The following NPHS1 variants were observed in gnomAD, a reference collection of about 807,000 sequenced individuals.
NPHS1 encodes the protein nephrin.
NPHS1 carries 107 observed loss-of-function variants against 139.7 expected under a neutral mutation model. The observed-to-expected ratio is 0.77, with a 90% confidence interval of 0.66 to 0.90. The LOEUF is 0.90. Ranked by LOEUF, NPHS1 falls within the 40% of genes least tolerant of loss-of-function variation. NPHS1 has a pLI of 0.00. For synonymous variants in NPHS1, 707 were observed against 706.6 expected, an observed-to-expected ratio of 1.00 and a Z score of -0.01; for missense variants, 1,580 against 1,654.2, an observed-to-expected ratio of 0.96 and a Z score of 0.78.
rs148448133 is a variant in NPHS1 at position 35,829,346 on chromosome 19, C to T, written c.3594+1498G>A. Among the ~76,000 whole-genome samples the T allele has an allele frequency of 4.7e-3, 709 of 152,264 alleles. 6 individuals are homozygous for T. Among genetic ancestry groups the T allele is most frequent in the South Asian group, 9.1e-3 (44 of 4,826 alleles). ...CTCTTTCTTTGAAGATTTCTAATCT[C>T]GTAGGATACAAATCTAGATTTTCTG... On this transcript the variant is annotated intron_variant, in intron 28 of 28. Coordinates refer to ENST00000378910, the MANE Select transcript of NPHS1 (RefSeq NM_004646.4).
At chr19:35,842,928 T>C (rs1194932998) in intron 17 of NPHS1, among the ~76,000 whole-genome samples, 1 of 152,140 alleles carries the variant, frequency 6.6e-6, no homozygotes, top group Admixed American at 6.6e-5. Flanking sequence ...CCTGTAGCTC[T>C]CCACCCATTC....
In NPHS1 at chr19:35,841,784, C is replaced by T. The variant is rs138173172; in HGVS notation, c.2746G>A (p.Ala916Thr). 6.6e-5 allele frequency: 106 copies of T among 1,614,002 alleles called. No individual in the cohort carries two copies. Among genetic ancestry groups the T allele is most frequent in the Admixed American group, 2.7e-4 (16 of 59,988 alleles). ...IANVSAAQDY[A>T]LFTCTATNAL... ...TTGGTGGCTGTACATGTGAAGAGGG[C>T]GTAATCCTGGGCGGCAGACACGTTG... Residue 916 changes from alanine (A) to threonine (T), a missense_variant, in exon 20 of 29, where the codon GCC becomes ACC. Ala to Thr is a moderately conservative substitution (Grantham distance 58). Coordinates refer to ENST00000378910, the MANE Select transcript of NPHS1 (RefSeq NM_004646.4).
chr19:35,830,890 T>C lies in NPHS1; in HGVS notation c.3548A>G (p.Tyr1183Cys). Residue 1183 changes from tyrosine to cysteine, a missense_variant, in exon 28 of 29, where the codon TAC becomes TGC. By Grantham distance (194) the Tyr-to-Cys change is radical (BLOSUM62 -2). Coordinates refer to ENST00000378910, the MANE Select transcript of NPHS1 (RefSeq NM_004646.4). ...GHLYDEVERT[Y>C]PPSGAWGPLY... Reference sequence around the variant, plus strand: ...GGGTCCCCAGGCTCCAGACGGGGGGTACGTTCTTTCTACCTCATCATACAA... The same window carrying C: ...GGGTCCCCAGGCTCCAGACGGGGGGCACGTTCTTTCTACCTCATCATACAA... 3 of 1,613,792 alleles carry C rather than the reference T, an allele frequency of 1.9e-6. No individual in the cohort carries two copies.
At position 35,844,248 on chromosome 19, in the gene NPHS1, G is replaced by C; in HGVS notation, c.2072-5C>G. On this transcript the variant is annotated splice_region_variant and splice_polypyrimidine_tract_variant and intron_variant, in intron 15 of 28. Transcript: ENST00000378910. ...TGCGATGCCGGGGGCCGCCCGCTGG[G>C]GAAGGCCAGAATAAGGGACCTGGCA... 1 of 1,613,550 alleles carries C rather than the reference G, an allele frequency of 6.2e-7. No homozygotes were observed. Among genetic ancestry groups the C allele is most frequent in the Non-Finnish European group, 8.5e-7 (1 of 1,179,914 alleles).
At chr19:35,843,306 GC>G (rs1157039628) in intron 17 of NPHS1, among the ~76,000 whole-genome samples, 165 bp downstream of exon 17, 3 of 152,128 alleles carry the variant, frequency 2.0e-5, no homozygotes, top group Non-Finnish European at 2.9e-5. Flanking sequence ...ATTTATCCAT[GC>G]ATTCATTTTG....
At chr19:35,837,047 A>AAAGAAAGAAAG (rs1183862286) in intron 22 of NPHS1, among the ~76,000 whole-genome samples, 11 of 126,212 alleles carry the variant, frequency 8.7e-5, no homozygotes, top group Admixed American at 6.8e-4. Context: ...AGAAAGAAAG[A>AAAGAAAGAAAG]AAGAAAGAAA....
chr19:35,847,722 T>C (rs998655251), intron 11 of NPHS1, among the ~76,000 whole-genome samples: 6 of 151,956 alleles, frequency 3.9e-5, no homozygotes, highest in Admixed American at 6.6e-5. Flanking sequence ...TCCTGACATT[T>C]CACCTGAATT....
chr19:35,848,183 GAAGA>G lies in NPHS1; in HGVS notation c.1316-22_1316-19del. On this transcript the variant is annotated intron_variant, in intron 10 of 28. Coordinates refer to ENST00000378910, the MANE Select transcript of NPHS1 (RefSeq NM_004646.4). ...GGCGGGATCTGGCGGGGAGAGGAAGGAAGAATGACTTTTTCTCTGTGCTGGGTCC... is the reference window on the plus strand; with the variant it reads ...GGCGGGATCTGGCGGGGAGAGGAAGGATGACTTTTTCTCTGTGCTGGGTCC... 3 of 1,614,064 alleles carry G rather than the reference GAAGA, an allele frequency of 1.9e-6. No individual in the cohort carries two copies. The highest frequency in any genetic ancestry group is 2.5e-6 in the Non-Finnish European group (3 of 1,180,044).
Position 35,839,625 on chromosome 19 carries a change from G to C in NPHS1, c.2816-18C>G, listed in dbSNP as rs1032058663. 1 of 1,589,642 alleles carries C rather than the reference G, an allele frequency of 6.3e-7. No homozygotes were observed. Among genetic ancestry groups the C allele is most frequent in the African/African-American group, 1.3e-5 (1 of 74,514 alleles). ...AGGGCGGCCTATGGGGAGAAAGATG[G>C]GAAAGCAGTCAGAGGATACAAAAGA... On this transcript the variant is annotated intron_variant, in intron 20 of 28. Transcript: ENST00000378910.
At chr19:35,833,702 C>T (rs465766) in intron 23 of NPHS1, among the ~76,000 whole-genome samples, 65,005 of 150,882 alleles carry the variant, frequency 0.43, 14,453 homozygotes, top group East Asian at 0.68. Context: ...AAGACTTTTT[C>T]TTTTTTTTCT....
intron 28 of NPHS1, among the ~76,000 whole-genome samples, chr19:35,830,403 G>T (rs542529498): frequency 1.3e-5 from 2 of 152,304 alleles, no homozygotes; most frequent in African/African-American, 2.4e-5. Flanking sequence ...GACTGAAAAA[G>T]AAATAGACTG....
At chr19:35,840,842 T>C (rs1276228522) in intron 20 of NPHS1, among the ~76,000 whole-genome samples, 3 of 146,116 alleles carry the variant, frequency 2.1e-5, no homozygotes, top group Non-Finnish European at 1.5e-5. Context: ...GCGCATGCCA[T>C]CACGCCCGGC....
Position 35,845,292 on chromosome 19 carries a change from G to GA in NPHS1, c.1930+75dup. ...GAGAGAGAGAGAAGAGAAAAAGAAG[G>GA]AAAAAAAGGTAAGACCCAAGGAGTA... On this transcript the variant is annotated intron_variant, in intron 14 of 28. Coordinates refer to ENST00000378910, the MANE Select transcript of NPHS1 (RefSeq NM_004646.4). The surrounding 1 kb of genome is among the most constrained non-coding windows in gnomAD (Gnocchi z 5.5). The GA allele has an allele frequency of 2.6e-6, 4 of 1,514,922 alleles. No homozygotes were observed. Among genetic ancestry groups the GA allele is most frequent in the Non-Finnish European group, 3.7e-6 (4 of 1,092,308 alleles). The allele number at this position is 1,514,922 out of a possible 1,614,324, so 93.8% of individuals were successfully genotyped here. A position where few individuals can be genotyped will look rare whatever the true frequency, so the allele number is the denominator to read the frequency against.
At position 35,826,494 on chromosome 19, in the gene NPHS1, C is replaced by A. The variant is rs1434712918; in HGVS notation, c.*20G>T. 6.2e-7 allele frequency: 1 copy of A among 1,613,138 alleles called. No homozygotes were observed. The highest frequency in any genetic ancestry group is 8.5e-7 in the Non-Finnish European group (1 of 1,179,910). The stretch of plus-strand genomic sequence containing the variant: ...AGTGTAAATTCCTGCAGGTGCAGGA[C>A]AATGGGGTTGAGAGGGCTCTTACAC... On this transcript the variant is annotated 3_prime_UTR_variant, in exon 29 of 29. Transcript: ENST00000378910.
chr19:35,830,736 T>A (rs562246753), intron 28 of NPHS1, 108 bp downstream of exon 28: 1 of 797,706 alleles, frequency 1.3e-6, no homozygotes, highest in Non-Finnish European at 2.3e-6. Context: ...TGGATCATGG[T>A]CAGGCCTCTT....
rs2146827887 is a variant in NPHS1 at position 35,849,275 on chromosome 19, G to T, written c.801C>A (p.Ala267=). The change falls in exon 7 of 29, where the codon GCC becomes GCA. Residue 267 remains alanine, a synonymous_variant. Transcript: ENST00000378910. ...GTGTGGCTAAGGGATTACCCCCTCG[G>T]GCCACGCACGGCAGCTCCAAGCTCT... ...AGQSLELPCV[A]RGGNPLATLQ... The T allele has an allele frequency of 1.1e-5, 17 of 1,613,364 alleles. No homozygotes were observed. Among genetic ancestry groups the T allele is most frequent in the Non-Finnish European group, 1.4e-5 (17 of 1,179,974 alleles).
At chr19:35,843,664 G>C in intron 16 of NPHS1, 71 bp from the exon 17 acceptor site, 2 of 1,590,300 alleles carry the variant, frequency 1.3e-6, no homozygotes, top group Non-Finnish European at 1.7e-6. Context: ...GGCCCCAGGT[G>C]GGAGGGATGT....
intron 23 of NPHS1, among the ~76,000 whole-genome samples, chr19:35,833,051 A>ATTT (rs58221236): frequency 4.0e-4 from 57 of 142,306 alleles, no homozygotes; most frequent in African/African-American, 1.3e-3. Flanking sequence ...CACCCGGCTA[A>ATTT]TTTTTTTTTT....
chr19:35,831,449 T>A lies in NPHS1; in HGVS notation c.3311+27A>T, dbSNP rs775341869. ...CTCCCCCAAACCTCCCTCAGAGCCTTCTTTACAGAAAAATATCCCCACTTA... is the reference window on the plus strand; with the variant it reads ...CTCCCCCAAACCTCCCTCAGAGCCTACTTTACAGAAAAATATCCCCACTTA... On this transcript the variant is annotated intron_variant, in intron 25 of 28. Transcript: ENST00000378910. 4.3e-6 allele frequency: 7 copies of A among 1,613,744 alleles called. No homozygotes were observed. In the Admixed American group the frequency reaches 1.2e-4, roughly 27 times the overall value.
Sources: gnomAD v4.1 joint callset for allele counts (sites outside exome capture counted in the v4.1 genomes callset) on GRCh38, gnomAD v4.1.1 for gene constraint, Gnocchi (gnomAD v3.1) non-coding constraint, MANE v1.5 for transcripts, NCBI Gene and HGNC (gene_info 2026-07-23, HGNC 2026-07-21) for gene names.